The following RGS6 variants were observed in gnomAD, a reference collection of about 807,000 sequenced individuals.
RGS6 encodes regulator of G protein signaling 6.
A neutral mutation model predicts 78.5 loss-of-function variants in RGS6; 30 were observed. The ratio of observed to expected loss-of-function variants is 0.38; its 90% CI spans 0.29 to 0.52. RGS6 has a LOEUF of 0.52. RGS6 is among the 20% of genes least tolerant of loss of function. The probability of loss-of-function intolerance (pLI) is 0.85; values close to 1 mark genes in which losing one functional copy is unlikely to be tolerated. For missense variants in RGS6, 495 were observed against 609.7 expected, an observed-to-expected ratio of 0.81 and a Z score of 1.98; for synonymous variants, 206 against 206.0, an observed-to-expected ratio of 1.00 and a Z score of 0.00.
At chr14:72,277,591 A>C (rs1490157964) in intron 2 of RGS6, among the ~76,000 whole-genome samples, 1 of 149,828 alleles carries the variant, frequency 6.7e-6, no homozygotes, top group Non-Finnish European at 1.5e-5. Context: ...GAGCGACTCC[A>C]TCTAAAAAAT....
intron 2 of RGS6, among the ~76,000 whole-genome samples, chr14:72,117,562 C>T (rs1486534117): frequency 2.0e-5 from 3 of 152,076 alleles, no homozygotes. Context: ...ATAGATGACC[C>T]GGTCTCAGGA....
chr14:72,093,405 C>A (rs1567190217), intron 2 of RGS6, among the ~76,000 whole-genome samples: 1 of 152,006 alleles, frequency 6.6e-6, no homozygotes, highest in African/African-American at 2.4e-5. Flanking sequence ...ACCACGCCCA[C>A]CTAATTTTGA....
At chr14:72,202,306 C>T (rs915045939) in intron 2 of RGS6, among the ~76,000 whole-genome samples, 15 of 152,136 alleles carry the variant, frequency 9.9e-5, no homozygotes, top group Non-Finnish European at 1.9e-4. Context: ...ATTAATTACC[C>T]GAGGATACAG....
chr14:72,544,555 G>A (rs1012496016), intron 17 of RGS6, among the ~76,000 whole-genome samples: 11 of 152,268 alleles, frequency 7.2e-5, no homozygotes, highest in Middle Eastern at 3.4e-3. Context: ...AGAGAGCATC[G>A]AAGTTTAGCT....
chr14:71,972,426 A>T (rs533435111), intron 2 of RGS6, among the ~76,000 whole-genome samples: 1 of 151,930 alleles, frequency 6.6e-6, no homozygotes, highest in East Asian at 1.9e-4. Flanking sequence ...AAATTGTCCT[A>T]TGTATATCAT....
At chr14:72,078,363 C>G (rs950082667) in intron 2 of RGS6, among the ~76,000 whole-genome samples, 4 of 151,982 alleles carry the variant, frequency 2.6e-5, no homozygotes, top group Non-Finnish European at 5.9e-5. Context: ...ATTAAATCTT[C>G]CTTTATAAAT....
At chr14:72,234,481 G>T (rs2153815347) in intron 2 of RGS6, among the ~76,000 whole-genome samples, 1 of 152,240 alleles carries the variant, frequency 6.6e-6, no homozygotes, top group Non-Finnish European at 1.5e-5. Context: ...CAATATGAAG[G>T]CAAATTTATA....
At chr14:72,099,005 A>G (rs2095472255) in intron 2 of RGS6, among the ~76,000 whole-genome samples, 1 of 152,182 alleles carries the variant, frequency 6.6e-6, no homozygotes, top group Non-Finnish European at 1.5e-5. Flanking sequence ...TTAGAATTGT[A>G]TGGCTTTTTC....
chr14:71,927,122 G>C, the RGS6 span, among the ~76,000 whole-genome samples: 1 of 152,156 alleles, frequency 6.6e-6, no homozygotes, highest in Non-Finnish European at 1.5e-5. Flanking sequence ...AAAGAAGCTC[G>C]GTCCAAACAA....
chr14:72,434,550 C>T (rs1162059103), intron 3 of RGS6, among the ~76,000 whole-genome samples: 1 of 151,934 alleles, frequency 6.6e-6, no homozygotes, highest in Non-Finnish European at 1.5e-5. Context: ...ATTGGTGAGC[C>T]CAGCTGTGAA....
At chr14:72,572,461 G>A in the RGS6 span, among the ~76,000 whole-genome samples, 1 of 152,292 alleles carries the variant, frequency 6.6e-6, no homozygotes, top group African/African-American at 2.4e-5. Flanking sequence ...ATATTATTTG[G>A]CAATAAAAAG....
intron 2 of RGS6, among the ~76,000 whole-genome samples, chr14:72,232,982 G>T (rs1261010536): frequency 1.3e-5 from 2 of 152,180 alleles, no homozygotes; most frequent in Non-Finnish European, 2.9e-5. Flanking sequence ...TGTCTGAGGG[G>T]ATGTGAGGAA....
intron 2 of RGS6, among the ~76,000 whole-genome samples, chr14:72,334,564 A>G (rs898859552): frequency 2.0e-5 from 3 of 152,162 alleles, no homozygotes; most frequent in Non-Finnish European, 4.4e-5. Context: ...CCACAGAGGC[A>G]CTCAGAATTC....
chr14:72,540,158 T>A, intron 17 of RGS6, 64 bp downstream of exon 17: 1 of 275,230 alleles, frequency 3.6e-6, no homozygotes, highest in Non-Finnish European at 5.7e-6. Flanking sequence ...TTTCTTCTTC[T>A]TTTTTTTTTT....
intron 2 of RGS6, among the ~76,000 whole-genome samples, chr14:72,145,299 G>A (rs2096593233): frequency 6.6e-6 from 1 of 152,196 alleles, no homozygotes; most frequent in Non-Finnish European, 1.5e-5. Context: ...TAGGCAAGAA[G>A]GGGGTCTACG....
intron 2 of RGS6, among the ~76,000 whole-genome samples, chr14:72,316,778 T>G (rs549130301): frequency 6.6e-6 from 1 of 152,292 alleles, no homozygotes; most frequent in Admixed American, 6.5e-5. Context: ...GGCATTATTT[T>G]TTTTCTGCAT....
chr14:72,086,535 C>G (rs957707594), intron 2 of RGS6, among the ~76,000 whole-genome samples: 1 of 152,164 alleles, frequency 6.6e-6, no homozygotes, highest in Admixed American at 6.5e-5. Context: ...TCTCTTTCCC[C>G]TTTATGACAG....
At chr14:72,244,936 T>G (rs1389779617) in intron 2 of RGS6, among the ~76,000 whole-genome samples, 2 of 152,174 alleles carry the variant, frequency 1.3e-5, no homozygotes, top group African/African-American at 2.4e-5. Flanking sequence ...GTGATTCTCC[T>G]GCCTCAGCCT....
At chr14:72,502,218 G>GCAGA (rs1247958664) in intron 13 of RGS6, among the ~76,000 whole-genome samples, 1 of 152,140 alleles carries the variant, frequency 6.6e-6, no homozygotes, top group Admixed American at 6.5e-5. Context: ...GAGGCCATGT[G>GCAGA]CAGACAGTCT....
Sources: allele counts gnomAD v4.1 joint callset (sites outside exome capture counted in the v4.1 genomes callset), GRCh38; gene constraint gnomAD v4.1.1; transcripts MANE v1.5; gene names NCBI Gene and HGNC (gene_info 2026-07-23, HGNC 2026-07-21).